Variants in ANXA2 observed in about 807,000 individuals in gnomAD.
ANXA2 encodes annexin II.
In ANXA2, 28 loss-of-function variants were observed where a neutral mutation model predicts 47.3. That is an observed-to-expected ratio of 0.59 (90% confidence interval 0.44 to 0.81). The LOEUF is 0.81. ANXA2 is among the 40% of genes least tolerant of loss of function. The pLI, the probability that ANXA2 is intolerant of heterozygous loss-of-function variation, is 0.00. For missense variants in ANXA2, 384 were observed against 414.3 expected (o/e 0.93, Z 0.64); for synonymous variants, 172 against 155.5 (o/e 1.11, Z -0.79).
intron 1 of ANXA2, among the ~76,000 whole-genome samples, chr15:60,391,473 C>A (rs149218501): frequency 6.6e-6 from 1 of 152,156 alleles, no homozygotes; most frequent in Non-Finnish European, 1.5e-5. Context: ...AAATGAGCCA[C>A]GTCCAGTGGG....
At chr15:60,372,903 C>A (rs1157392002) in intron 3 of ANXA2, among the ~76,000 whole-genome samples, 1 of 151,832 alleles carries the variant, frequency 6.6e-6, no homozygotes, top group Admixed American at 6.6e-5. Context: ...CCTTTGTTGC[C>A]CAGGCCCTCC....
intron 11 of ANXA2, among the ~76,000 whole-genome samples, chr15:60,350,726 G>A (rs1428014266): frequency 6.6e-6 from 1 of 151,922 alleles, no homozygotes; most frequent in Non-Finnish European, 1.5e-5. Context: ...GTAACTTCAA[G>A]CAGGCTGAGG....
chr15:60,377,831 T>TA (rs1314622890), intron 3 of ANXA2, among the ~76,000 whole-genome samples: 1 of 152,074 alleles, frequency 6.6e-6, no homozygotes, highest in Non-Finnish European at 1.5e-5. Flanking sequence ...TTCACACCTG[T>TA]AATCCCAGCA....
chr15:60,374,856 G>A (rs867994195), intron 3 of ANXA2, among the ~76,000 whole-genome samples: 2 of 152,204 alleles, frequency 1.3e-5, no homozygotes, highest in African/African-American at 4.8e-5. Context: ...GGAAGGGTCC[G>A]TTCCCTCCCG....
chr15:60,369,332 G>A (rs964394085), intron 3 of ANXA2, among the ~76,000 whole-genome samples: 3 of 152,096 alleles, frequency 2.0e-5, no homozygotes, highest in Admixed American at 6.5e-5. Flanking sequence ...AAAATTCTAT[G>A]GCTCTAGGTT....
At chr15:60,362,194 C>T (rs1399374153) in intron 4 of ANXA2, among the ~76,000 whole-genome samples, 1 of 152,136 alleles carries the variant, frequency 6.6e-6, no homozygotes, top group Non-Finnish European at 1.5e-5. Context: ...AATTATAACA[C>T]CAGTCTCCCA....
chr15:60,396,459 G>C (rs1465050184), intron 1 of ANXA2: 2 of 151,842 alleles, frequency 1.3e-5, no homozygotes, highest in African/African-American at 4.8e-5. Flanking sequence ...AAAAGAAAGT[G>C]GAACAGGGGC....
Position 60,393,027 on chromosome 15 carries a change from T to C in ANXA2, c.-12+4916A>G, listed in dbSNP as rs1202893825. 7 of 1,287,618 alleles carry C rather than the reference T, an allele frequency of 5.4e-6. No homozygotes were observed. In the Admixed American group the frequency reaches 1.2e-4, roughly 21 times the overall value. 79.8% of individuals were successfully genotyped at this position (1,287,618 alleles called of 1,614,324 possible). On this transcript the variant is annotated intron_variant, in intron 1 of 12. Coordinates refer to ENST00000451270, the MANE Select transcript of ANXA2 (RefSeq NM_004039.3). ...CCTCCACCCACCTACTGCATCTTTA[T>C]TTATCAGAACCTTTTTGAAAGCAGA...
chr15:60,375,982 G>C (rs1010536024), intron 3 of ANXA2, among the ~76,000 whole-genome samples: 3 of 152,130 alleles, frequency 2.0e-5, no homozygotes, highest in African/African-American at 7.2e-5. Context: ...GCTCCTCAAA[G>C]AACAAAGGCA....
Position 60,387,355 on chromosome 15 carries a change from C to A in ANXA2, c.-11-1269G>T, listed in dbSNP as rs78560764. On this transcript the variant is annotated intron_variant, in intron 1 of 12. Coordinates refer to ENST00000451270, the MANE Select transcript of ANXA2 (RefSeq NM_004039.3). Reference sequence around the variant, plus strand: ...CCCACACTCACAACTCTCAGACAGCCTCCCCACCCCAATTTGTCCCACCGT... The same window carrying A: ...CCCACACTCACAACTCTCAGACAGCATCCCCACCCCAATTTGTCCCACCGT... Among the ~76,000 whole-genome samples the A allele has an allele frequency of 8.2e-3, 1,246 of 152,294 alleles. 16 individuals are homozygous for A. The highest frequency in any genetic ancestry group is 0.028 in the African/African-American group (1,171 of 41,554).
Position 60,385,966 on chromosome 15 carries a change from A to G in ANXA2, c.48+62T>C, listed in dbSNP as rs975472411. On this transcript the variant is annotated intron_variant, in intron 2 of 12. Transcript: ENST00000451270. ...TAGATGTACAAGGATAGAGAGTAAT[A>G]TGGTTATCCAGAGAGATGTCCAACT... 27 of 1,102,474 alleles carry G rather than the reference A, an allele frequency of 2.4e-5. No homozygotes were observed. In the Admixed American group the frequency reaches 3.3e-4, roughly 14 times the overall value. 68.3% of individuals were successfully genotyped at this position (1,102,474 alleles called of 1,614,324 possible).
At chr15:60,380,728 C>CGGGAG (rs2062845937) in intron 3 of ANXA2, among the ~76,000 whole-genome samples, 1 of 133,600 alleles carries the variant, frequency 7.5e-6, no homozygotes. Context: ...CACTTGAGCC[C>CGGGAG]GGGAGGTGGA....
intron 4 of ANXA2, among the ~76,000 whole-genome samples, chr15:60,363,473 C>T (rs1439341458): frequency 6.6e-6 from 1 of 152,178 alleles, no homozygotes; most frequent in Admixed American, 6.5e-5. Flanking sequence ...ACTGTGGCTA[C>T]AAGTGAAAGC....
rs922744779 is a variant in ANXA2, at chr15:60,347,541, G to A, written c.*89C>T. 1.4e-5 allele frequency: 19 copies of A among 1,329,658 alleles called. No individual in the cohort carries two copies. The highest frequency in any genetic ancestry group is 1.1e-4 in the South Asian group (9 of 84,196). 82.4% of individuals were successfully genotyped at this position (1,329,658 alleles called of 1,614,324 possible). A position where few individuals can be genotyped will look rare whatever the true frequency, so the allele number is the denominator to read the frequency against. ...ACGTCACCCTCACAGGGATGGCCAC[G>A]GGGACTGTTATTCGCAAGCTGGTTT... On this transcript the variant is annotated 3_prime_UTR_variant, in exon 13 of 13. Transcript: ENST00000451270.
At chr15:60,349,909 AAGGCAGGGAGGCAGGG>A (rs1895922179) in intron 11 of ANXA2, among the ~76,000 whole-genome samples, 1 of 53,078 alleles carries the variant, frequency 1.9e-5, no homozygotes, top group Non-Finnish European at 3.9e-5. Flanking sequence ...GAGGCAGGGG[AAGGCAGGGAGGCAGGG>A]GAAGGCAGGG....
At chr15:60,354,448 T>A (rs1339682079) in intron 7 of ANXA2, among the ~76,000 whole-genome samples, 7 of 152,108 alleles carry the variant, frequency 4.6e-5, no homozygotes, top group Non-Finnish European at 7.4e-5. Flanking sequence ...GAGACCAACC[T>A]GGCTAACAAG....
At chr15:60,355,688 A>C (rs931505247) in intron 7 of ANXA2, 2 of 590,454 alleles carry the variant, frequency 3.4e-6, no homozygotes, top group Non-Finnish European at 6.2e-6. Context: ...AGAGCCGCCC[A>C]TCCCTTCTCT....
intron 1 of ANXA2, among the ~76,000 whole-genome samples, chr15:60,388,595 CCT>C (rs1491321873): frequency 1.4e-5 from 2 of 147,328 alleles, no homozygotes; most frequent in African/African-American, 5.0e-5. Context: ...CATTTTTTTT[CCT>C]TTTTTTTTTA....
At chr15:60,385,175 C>CA (rs1488531183) in intron 2 of ANXA2, among the ~76,000 whole-genome samples, 3 of 152,132 alleles carry the variant, frequency 2.0e-5, no homozygotes, top group Non-Finnish European at 4.4e-5. Flanking sequence ...AAAAAGGAAA[C>CA]AGATGAATTA....
Sources: allele counts gnomAD v4.1 joint callset (sites outside exome capture counted in the v4.1 genomes callset), GRCh38; gene constraint gnomAD v4.1.1; transcripts MANE v1.5; gene names NCBI Gene and HGNC (gene_info 2026-07-23, HGNC 2026-07-21).